SHANK1: variants seen among roughly 807,000 people sequenced by gnomAD.
SHANK1 encodes SH3 and multiple ankyrin repeat domains protein 1.
A neutral mutation model predicts 165.6 loss-of-function variants in SHANK1; 35 were observed. That is an observed-to-expected ratio of 0.21 (90% CI 0.16 to 0.28). SHANK1 has a LOEUF of 0.28. Among genes scored for constraint, SHANK1 ranks in the 10% least tolerant of loss-of-function variants. The pLI is 1.00. For synonymous variants in SHANK1, 1,428 were observed against 1,384.8 expected (o/e 1.03, Z -0.69); for missense variants, 2,681 against 3,036.4 (o/e 0.88, Z 2.75).
chr19:50,669,105 C>A lies in SHANK1; in HGVS notation c.2855G>T (p.Gly952Val). ...SGRLTPSPRG[G>V]PFNPGSGGPL... Reference sequence around the variant, plus strand: ...GCCACCAGAGCCAGGGTTGAAGGGCCCTCCCCGAGGGGAGGGGGTGAGGCG... The same window carrying A: ...GCCACCAGAGCCAGGGTTGAAGGGCACTCCCCGAGGGGAGGGGGTGAGGCG... The change falls in exon 23 of 24, where the codon GGG becomes GTG. Residue 952 changes from glycine (G) to valine (V), a missense_variant. By Grantham distance (109) the Gly-to-Val change is moderately radical. This residue lies in a region of SHANK1 where 1,713 missense variants were observed against 1,630.2 expected (regional missense o/e 1.05). Transcript: ENST00000293441. The A allele has an allele frequency of 6.8e-7, 1 of 1,474,860 alleles. No individual in the cohort carries two copies. Among genetic ancestry groups the A allele is most frequent in the Middle Eastern group, 2.0e-4 (1 of 4,932 alleles). The allele number at this position is 1,474,860 out of a possible 1,614,324, so 91.4% of individuals were successfully genotyped here. A position where few individuals can be genotyped will look rare whatever the true frequency, so the allele number is the denominator to read the frequency against.
At chr19:50,712,789 C>T (rs1237435757) in intron 6 of SHANK1, among the ~76,000 whole-genome samples, 1 of 152,222 alleles carries the variant, frequency 6.6e-6, no homozygotes, top group Non-Finnish European at 1.5e-5. Context: ...ACTGCACCAC[C>T]CTATATGGCA....
rs1986445608 is a variant in SHANK1, at chr19:50,688,859, T to G, written c.2157A>C (p.Gly719=). Residue 719 remains glycine, a synonymous_variant, in exon 17 of 24, where the codon GGA becomes GGC. Coordinates refer to ENST00000293441, the MANE Select transcript of SHANK1 (RefSeq NM_016148.5). This position sits in a 1 kb window ranked among gnomAD's most constrained non-coding sequence, Gnocchi z 6.7. ...GVAWRAGLRM[G]DFLIEVNGQN... ...CTGGACTGACCTCGATGAGGAAGTC[T>G]CCCATTCGCAGTCCAGCTCGCCATG... 1.9e-6 allele frequency: 3 copies of G among 1,604,330 alleles called. No individual in the cohort carries two copies.
In SHANK1 at chr19:50,666,340, G is replaced by C. The variant is rs1985508376; in HGVS notation, c.5620C>G (p.Leu1874Val). ...ATVKASIISE[L>V]SSKLQQFGGS... ...CCAAACTGCTGAAGCTTGGAGCTGA[G>C]TTCACTGATGATGCTGGCTTTTACT... is the stretch of plus-strand genomic sequence containing the variant. Residue 1874 changes from leucine (L) to valine (V), a missense_variant, in exon 23 of 24, where the codon CTC (leucine) becomes GTC (valine). Physicochemically the swap from Leu to Val is conservative, Grantham distance 32. This residue lies in a region of SHANK1 where 1,713 missense variants were observed against 1,630.2 expected (regional missense o/e 1.05). Coordinates refer to ENST00000293441, the MANE Select transcript of SHANK1 (RefSeq NM_016148.5). The C allele has an allele frequency of 6.2e-7, 1 of 1,613,846 alleles. No individual in the cohort carries two copies. The highest frequency in any genetic ancestry group is 8.5e-7 in the Non-Finnish European group (1 of 1,179,944).
chr19:50,708,118 T>G (rs990775732), intron 8 of SHANK1, among the ~76,000 whole-genome samples: 2 of 151,930 alleles, frequency 1.3e-5, no homozygotes, highest in Non-Finnish European at 2.9e-5. Context: ...GGCTAATTTT[T>G]GTCTTTTTAG....
At position 50,666,678 on chromosome 19, in the gene SHANK1, G is replaced by T. The variant is rs1265805967; in HGVS notation, c.5282C>A (p.Ala1761Glu). ...CCGCAGGCCTCCGCTGGCTCCTAGC[G>T]CCCGGCCCCGGAGCTTAGAGGGAGT... ...LMTPSKLRGR[A>E]LGASGGLRPG... The change falls in exon 23 of 24, where the codon GCG becomes GAG. Residue 1761 changes from alanine (A) to glutamate (E), a missense_variant. Physicochemically the swap from Ala to Glu is moderately radical, Grantham distance 107. Around this residue, in one of 10 missense-constraint regions of SHANK1, gnomAD observed 1,713 missense variants for 1,630.2 expected, o/e 1.05. Transcript: ENST00000293441. 1.9e-6 allele frequency: 3 copies of T among 1,585,430 alleles called. No homozygotes were observed. The highest frequency in any genetic ancestry group is 2.6e-6 in the Non-Finnish European group (3 of 1,168,828).
Position 50,686,732 on chromosome 19 carries a change from G to A in SHANK1, c.2458+12C>T, listed in dbSNP as rs780919864. The A allele has an allele frequency of 7.4e-6, 12 of 1,612,886 alleles. No individual in the cohort carries two copies. The highest frequency in any genetic ancestry group is 1.1e-5 in the South Asian group (1 of 91,056). On this transcript the variant is annotated intron_variant, in intron 20 of 23. Transcript: ENST00000293441. The surrounding 1 kb of genome is among the most constrained non-coding windows in gnomAD (Gnocchi z 5.7). ...GCCCGGCATCCCGAGGAGCAGGGCTGGGCCGTCTTACTGAGAGCCATCTGA... is the reference window on the plus strand; with the variant it reads ...GCCCGGCATCCCGAGGAGCAGGGCTAGGCCGTCTTACTGAGAGCCATCTGA...
At chr19:50,673,175 C>T (rs1217047561) in intron 21 of SHANK1, among the ~76,000 whole-genome samples, 1 of 152,118 alleles carries the variant, frequency 6.6e-6, no homozygotes, top group African/African-American at 2.4e-5. Context: ...GGTTCCCACT[C>T]CAGCGTGAAC....
At chr19:50,693,611 G>A (rs1287627326) in intron 15 of SHANK1, among the ~76,000 whole-genome samples, 3 of 142,438 alleles carry the variant, frequency 2.1e-5, no homozygotes, top group Non-Finnish European at 3.0e-5. Context: ...CCCAGGGTCC[G>A]CCAGCCCAGA....
chr19:50,668,635 G>A lies in SHANK1; in HGVS notation c.3325C>T (p.Pro1109Ser). The change falls in exon 23 of 24, where the codon CCG (proline) becomes TCG (serine). Residue 1109 changes from proline to serine, a missense_variant. Transcript: ENST00000293441. Reference sequence around the variant, plus strand: ...TCCACCTTGGTCTGCTTGACCAGCGGGCCCTTGCGGCCGCGGCCCGAGCGG... The same window carrying A: ...TCCACCTTGGTCTGCTTGACCAGCGAGCCCTTGCGGCCGCGGCCCGAGCGG... ...PARSGRGRKG[P>S]LVKQTKVEGE... The A allele has an allele frequency of 7.3e-7, 1 of 1,368,454 alleles. No individual in the cohort carries two copies. The highest frequency in any genetic ancestry group is 9.4e-7 in the Non-Finnish European group (1 of 1,058,828). 84.8% of individuals were successfully genotyped at this position (1,368,454 alleles called of 1,614,324 possible).
rs369440211 is a variant in SHANK1, at chr19:50,714,192, C to A, written c.630G>T (p.Ser210=). ...CGCACCCCTCCCTACCTCCCGAATC[C>A]GAGTCATGGTAATTGGGGTCCAGCC... is the stretch of plus-strand genomic sequence containing the variant. ...DKGLDPNYHD[S]DSGETPLTLA... Residue 210 remains serine (S), a synonymous_variant, in exon 5 of 24, where the codon TCG becomes TCT. Transcript: ENST00000293441. 1.9e-6 allele frequency: 3 copies of A among 1,614,036 alleles called. No individual in the cohort carries two copies. Among genetic ancestry groups the A allele is most frequent in the Admixed American group, 3.3e-5 (2 of 60,006 alleles).
intron 12 of SHANK1, among the ~76,000 whole-genome samples, chr19:50,698,583 G>A (rs754144352): frequency 1.3e-5 from 2 of 149,718 alleles, no homozygotes; most frequent in Non-Finnish European, 3.0e-5. Flanking sequence ...CATGCCTGCT[G>A]CTGAAAAACA....
At chr19:50,691,053 C>T (rs1056874572) in intron 15 of SHANK1, among the ~76,000 whole-genome samples, 8 of 152,122 alleles carry the variant, frequency 5.3e-5, no homozygotes, top group South Asian at 2.1e-4. Context: ...CAACAGTCCT[C>T]GCTCAAAGTT....
intron 8 of SHANK1, among the ~76,000 whole-genome samples, chr19:50,709,016 G>T (rs2088976605): frequency 6.6e-6 from 1 of 152,202 alleles, no homozygotes; most frequent in African/African-American, 2.4e-5. Flanking sequence ...CTTAAAGCCT[G>T]GGAGGAAGAC....
rs773365592 is a variant in SHANK1 at position 50,667,061 on chromosome 19, G to T, written c.4899C>A (p.Thr1633=). ...GAGCGGCGGAGGCCCCCTGGGTCAG[G>T]GTGGCCACCTCGCTGTCATAGGATG... ...SLTSYDSEVA[T]LTQGASAAPG... is the part of the protein sequence containing the mutation. The change falls in exon 23 of 24, where the codon ACC becomes ACA. Residue 1633 remains threonine, a synonymous_variant. Transcript: ENST00000293441. This position sits in a 1 kb window ranked among gnomAD's most constrained non-coding sequence, Gnocchi z 5.7. The T allele has an allele frequency of 4.5e-6, 7 of 1,553,490 alleles. No individual in the cohort carries two copies. The highest frequency in any genetic ancestry group is 6.1e-6 in the Non-Finnish European group (7 of 1,154,204).
At chr19:50,704,690 G>C (rs1163330692) in intron 8 of SHANK1, among the ~76,000 whole-genome samples, 176 bp from the exon 9 acceptor site, 1 of 152,196 alleles carries the variant, frequency 6.6e-6, no homozygotes, top group Admixed American at 6.5e-5. Flanking sequence ...TAGTTTAAAC[G>C]TGGCCGGCCC....
Position 50,707,898 on chromosome 19 carries a change from TTTCTTTTCTTTTC to T in SHANK1, c.1078-3397_1078-3385del, listed in dbSNP as rs1227212803. Among the ~76,000 whole-genome samples, 30 of 18,786 alleles carry T rather than the reference TTTCTTTTCTTTTC, an allele frequency of 1.6e-3. 2 individuals are homozygous for T. In the South Asian group the frequency reaches 0.033, roughly 21 times the overall value. The allele number at this position is 18,786 out of a possible 152,430, so 12.3% of individuals were successfully genotyped here. ...GTGTTTTTCTTTTCTTTTCTTTTCT[TTTCTTTTCTTTTC>T]TTTTCTTTTCTTTTCTTTTCTTTTC... On this transcript the variant is annotated intron_variant, in intron 8 of 23. Transcript: ENST00000293441.
Position 50,664,229 on chromosome 19 carries a change from A to G in SHANK1, c.5769-1547T>C, listed in dbSNP as rs116828798. On this transcript the variant is annotated intron_variant, in intron 23 of 23. Coordinates refer to ENST00000293441, the MANE Select transcript of SHANK1 (RefSeq NM_016148.5). The stretch of plus-strand genomic sequence containing the variant: ...ACACATTTGGATAGCAGACCTTCAA[A>G]CAGAATTCAAGTGAACTCTGTAGAT... Among the ~76,000 whole-genome samples the G allele has an allele frequency of 4.9e-3, 737 of 151,860 alleles. 4 individuals carry two copies. The highest frequency in any genetic ancestry group is 0.016 in the African/African-American group (657 of 41,414).
intron 7 of SHANK1, 49 bp downstream of exon 7, chr19:50,711,898 A>G (rs1220794658): frequency 1.5e-5 from 24 of 1,608,846 alleles, no homozygotes; most frequent in Non-Finnish European, 2.0e-5. Flanking sequence ...TGGATGCCTC[A>G]GGGACTGGGT....
chr19:50,719,565 G>C lies in SHANK1; in HGVS notation c.-203C>G, dbSNP rs999426098. ...GGGGGCGGGCGGGGACCGGGGGGGA[G>C]GGCGGGAGGGCCGAGGACCTCACCC... On this transcript the variant is annotated 5_prime_UTR_variant, in exon 1 of 24. Coordinates refer to ENST00000293441, the MANE Select transcript of SHANK1 (RefSeq NM_016148.5). The C allele has an allele frequency of 2.7e-5, 4 of 146,020 alleles. No homozygotes were observed. The highest frequency in any genetic ancestry group is 6.1e-5 in the Non-Finnish European group (4 of 65,284). 9.0% of individuals were successfully genotyped at this position (146,020 alleles called of 1,614,324 possible).
Sources: gnomAD v4.1 joint callset for allele counts (sites outside exome capture counted in the v4.1 genomes callset) on GRCh38, gnomAD v4.1.1 for gene constraint, gnomAD v4.1.1 regional missense constraint, Gnocchi (gnomAD v3.1) non-coding constraint, MANE v1.5 for transcripts, NCBI Gene and HGNC (gene_info 2026-07-23, HGNC 2026-07-21) for gene names.